The following ELMOD3 variants were observed in gnomAD, a reference collection of about 807,000 sequenced individuals.
ELMOD3 encodes ELMO domain containing 3, also known as ELMO domain-containing protein 3.
Under a neutral mutation model 47.4 loss-of-function variants are expected in ELMOD3, and 36 were observed. The ratio of observed to expected loss-of-function variants is 0.76; its 90% CI spans 0.58 to 1.00. ELMOD3 has a LOEUF of 1.00. ELMOD3 is among the 50% of genes least tolerant of loss of function. The probability of loss-of-function intolerance (pLI) is 0.00; values close to 1 mark genes in which losing one functional copy is unlikely to be tolerated. For missense variants in ELMOD3, 404 were observed against 463.8 expected (o/e 0.87, Z 1.18); for synonymous variants, 149 against 183.5 (o/e 0.81, Z 1.52).
chr2:85,390,079 G>C, intron 12 of ELMOD3, 59 bp from the exon 13 acceptor site: 3 of 1,512,278 alleles, frequency 2.0e-6, no homozygotes, highest in Non-Finnish European at 2.8e-6. Flanking sequence ...AGGCGGGAGG[G>C]AACCTAGGTC....
chr2:85,390,851 G>C lies in ELMOD3; in HGVS notation c.1035G>C (p.Leu345Phe). The C allele has an allele frequency of 4.5e-6, 7 of 1,551,690 alleles. No individual in the cohort carries two copies. The highest frequency in any genetic ancestry group is 6.1e-6 in the Non-Finnish European group (7 of 1,147,004). Residue 345 changes from leucine (L) to phenylalanine (F), a missense_variant, in exon 14 of 14, where the codon TTG becomes TTC. Physicochemically the swap from Leu to Phe is conservative, Grantham distance 22. Transcript: ENST00000409013. The part of the protein sequence containing the change: ...LARVSKGQAS[L>F]LGAQKCYGPE... ...GGGTGTCAAAGGGACAGGCCTCCTT[G>C]TTGGGAGCACAGAAGTGCTATGGGC...
chr2:85,357,666 G>A (rs1683658650), intron 4 of ELMOD3: 1 of 153,502 alleles, frequency 6.5e-6, no homozygotes, highest in Non-Finnish European at 1.4e-5. Flanking sequence ...ACACTACTTT[G>A]CCCACCCAAA....
chr2:85,390,675 C>T, intron 13 of ELMOD3, 85 bp from the exon 14 acceptor site: 1 of 1,515,850 alleles, frequency 6.6e-7, no homozygotes, highest in Non-Finnish European at 8.8e-7. Context: ...GGGGTACTCC[C>T]TAGAGCTGCT....
chr2:85,390,902 C>A lies in ELMOD3; in HGVS notation c.1086C>A (p.Leu362=), dbSNP rs1686306245. The A allele has an allele frequency of 6.4e-7, 1 of 1,551,736 alleles. No individual in the cohort carries two copies. The highest frequency in any genetic ancestry group is 8.7e-7 in the Non-Finnish European group (1 of 1,147,004). ...CAGAAGCCCCTCCCTTCAAGGATCT[C>A]ACCTTCACAGGTGAGAGTGACCTGC... ...YGPEAPPFKD[L]TFTGESDLQS... The change falls in exon 14 of 14, where the codon CTC becomes CTA. Residue 362 remains leucine (L), a synonymous_variant. Coordinates refer to ENST00000409013, the MANE Select transcript of ELMOD3 (RefSeq NM_001135022.2).
intron 8 of ELMOD3, 33 bp downstream of exon 8, chr2:85,369,863 A>G (rs370601760): frequency 2.5e-6 from 4 of 1,610,668 alleles, no homozygotes; most frequent in Non-Finnish European, 8.5e-7. Flanking sequence ...AGTCTCAAGC[A>G]AAGTGCCTTT....
Position 85,391,021 on chromosome 2 carries a change from G to T in ELMOD3, c.*59G>T, listed in dbSNP as rs73945729. 5.3e-3 allele frequency: 6,928 copies of T among 1,315,066 alleles called. 260 individuals carry two copies. In the African/African-American group the frequency reaches 0.09, roughly 17 times the overall value. The allele number at this position is 1,315,066 out of a possible 1,614,324, so 81.5% of individuals were successfully genotyped here. ...TGCAGGGGCTTTCAGGGGGTCAGTGGAGCCATGTCAGGAGCCTGGCCAGGC... is the reference window on the plus strand; with the variant it reads ...TGCAGGGGCTTTCAGGGGGTCAGTGTAGCCATGTCAGGAGCCTGGCCAGGC... On this transcript the variant is annotated 3_prime_UTR_variant, in exon 14 of 14. Coordinates refer to ENST00000409013, the MANE Select transcript of ELMOD3 (RefSeq NM_001135022.2).
chr2:85,382,572 G>A (rs1019106594), intron 11 of ELMOD3, among the ~76,000 whole-genome samples: 6 of 149,054 alleles, frequency 4.0e-5, no homozygotes, highest in African/African-American at 1.5e-4. Flanking sequence ...CTGGAGTGCA[G>A]TGGCGCAATC....
chr2:85,363,998 G>A (rs1684165531), intron 6 of ELMOD3, among the ~76,000 whole-genome samples: 1 of 152,054 alleles, frequency 6.6e-6, no homozygotes, highest in African/African-American at 2.4e-5. Context: ...GTGTAGTGGT[G>A]TGTGCCTGTA....
chr2:85,372,012 T>G, intron 10 of ELMOD3: 1 of 157,192 alleles, frequency 6.4e-6, no homozygotes, highest in South Asian at 1.9e-4. Context: ...CTACTAAAAA[T>G]AGAAAATTTA....
intron 11 of ELMOD3, among the ~76,000 whole-genome samples, chr2:85,382,343 C>T (rs1482724836): frequency 1.3e-5 from 2 of 150,002 alleles, no homozygotes; most frequent in African/African-American, 2.5e-5. Context: ...GAGGCTGAGG[C>T]AGGAGAATGG....
chr2:85,357,302 C>T, intron 4 of ELMOD3, 50 bp downstream of exon 4: 1 of 1,189,138 alleles, frequency 8.4e-7, no homozygotes, highest in Non-Finnish European at 1.2e-6. Flanking sequence ...TGAGATATAT[C>T]ATTAAGTATA....
chr2:85,373,374 T>A (rs1159636736), intron 10 of ELMOD3, among the ~76,000 whole-genome samples: 1 of 152,224 alleles, frequency 6.6e-6, no homozygotes. Context: ...TTGTCTTAAA[T>A]GTATCCTCTC....
chr2:85,378,316 A>C (rs1436887962), intron 11 of ELMOD3, among the ~76,000 whole-genome samples: 1 of 152,232 alleles, frequency 6.6e-6, no homozygotes, highest in Non-Finnish European at 1.5e-5. Flanking sequence ...CTGAGGTCTC[A>C]GTTAATTTAG....
intron 6 of ELMOD3, 46 bp downstream of exon 6, chr2:85,363,212 CAGACCTTCCCATGCATCT>C (rs747662366): frequency 3.0e-5 from 32 of 1,052,152 alleles, no homozygotes; most frequent in Non-Finnish European, 4.6e-5. Context: ...GGACCCAAGT[CAGACCTTCCCATGCATCT>C]GCTGTTCATC....
At chr2:85,384,265 T>C (rs980564482) in intron 11 of ELMOD3, among the ~76,000 whole-genome samples, 1 of 152,254 alleles carries the variant, frequency 6.6e-6, no homozygotes, top group Non-Finnish European at 1.5e-5. Context: ...ATATTTTGTT[T>C]TCACAATAGA....
Position 85,362,556 on chromosome 2 carries a change from G to A in ELMOD3, c.129+296G>A, listed in dbSNP as rs1023326621. Among the ~76,000 whole-genome samples, 5 of 152,134 alleles carry A rather than the reference G, an allele frequency of 3.3e-5. No homozygotes were observed. In the South Asian group the frequency reaches 1.0e-3, roughly 32 times the overall value. On this transcript the variant is annotated intron_variant, in intron 5 of 13. Transcript: ENST00000409013. ...TTTTTGTTTATTTACATTCAAGGTG[G>A]ACATACACTTGTCCCCAACATCACC...
intron 12 of ELMOD3, 142 bp from the exon 13 acceptor site, chr2:85,389,996 A>T (rs1241587195): frequency 1.8e-6 from 2 of 1,097,794 alleles, no homozygotes; most frequent in Non-Finnish European, 2.8e-6. Flanking sequence ...CCCTGGCCTT[A>T]GATGTCAGGC....
chr2:85,357,143 C>A lies in ELMOD3; in HGVS notation c.-56C>A. ...ACATAGCTTCTGATCTCAGACCTTACTAAAATGCTTTCTGGGCCCAAGGAC... is the reference window on the plus strand; with the variant it reads ...ACATAGCTTCTGATCTCAGACCTTAATAAAATGCTTTCTGGGCCCAAGGAC... On this transcript the variant is annotated 5_prime_UTR_variant, in exon 4 of 14. Transcript: ENST00000409013. 1 of 1,333,412 alleles carries A rather than the reference C, an allele frequency of 7.5e-7. No individual in the cohort carries two copies. 82.6% of individuals were successfully genotyped at this position (1,333,412 alleles called of 1,614,324 possible). A position where few individuals can be genotyped will look rare whatever the true frequency, so the allele number is the denominator to read the frequency against.
chr2:85,390,978 G>C lies in ELMOD3; in HGVS notation c.*16G>C, dbSNP rs900949959. The C allele has an allele frequency of 1.3e-6, 2 of 1,548,318 alleles. No individual in the cohort carries two copies. Among genetic ancestry groups the C allele is most frequent in the African/African-American group, 2.7e-5 (2 of 72,922 alleles). ...GCTGATCTGACCTCCGAGATGAATGGAGGCTTAAAGGCTGAGCTGCAGGGG... is the reference window on the plus strand; with the variant it reads ...GCTGATCTGACCTCCGAGATGAATGCAGGCTTAAAGGCTGAGCTGCAGGGG... On this transcript the variant is annotated 3_prime_UTR_variant, in exon 14 of 14. Coordinates refer to ENST00000409013, the MANE Select transcript of ELMOD3 (RefSeq NM_001135022.2).
Sources: gnomAD v4.1 joint callset for allele counts (sites outside exome capture counted in the v4.1 genomes callset) on GRCh38, gnomAD v4.1.1 for gene constraint, MANE v1.5 for transcripts, NCBI Gene and HGNC (gene_info 2026-07-23, HGNC 2026-07-21) for gene names.